The following UBP1 variants were observed in gnomAD, a reference collection of about 807,000 sequenced individuals.
UBP1 encodes upstream binding protein 1.
In UBP1, 22 loss-of-function variants were observed where a neutral mutation model predicts 76.1. That is an observed-to-expected ratio of 0.29 (90% CI 0.21 to 0.41). The LOEUF is 0.41. Among genes scored for constraint, UBP1 ranks in the 10% least tolerant of loss-of-function variants. The pLI, the probability that UBP1 is intolerant of heterozygous loss-of-function variation, is 1.00. For synonymous variants in UBP1, 224 were observed against 237.1 expected (o/e 0.94, Z 0.51); for missense variants, 436 against 668.1 (o/e 0.65, Z 3.83).
At chr3:33,401,605 C>T (rs2044231046) in intron 9 of UBP1, among the ~76,000 whole-genome samples, 1 of 152,212 alleles carries the variant, frequency 6.6e-6, no homozygotes, top group Non-Finnish European at 1.5e-5. Flanking sequence ...GGCTCTTGAG[C>T]ACCGACTCCT....
At position 33,440,021 on chromosome 3, in the gene UBP1, G is replaced by T. The variant is rs1168067254; in HGVS notation, c.-173C>A. ...TGCGGGGGCCCCACTGGCAGGGCAC[G>T]ACGAGCCCAGCGAGCAATTGCAGCG... On this transcript the variant is annotated 5_prime_UTR_variant, in exon 1 of 16. Transcript: ENST00000283629. The T allele has an allele frequency of 1.7e-6, 1 of 580,814 alleles. No homozygotes were observed. The highest frequency in any genetic ancestry group is 2.8e-6 in the Non-Finnish European group (1 of 354,446). 36.0% of individuals were successfully genotyped at this position (580,814 alleles called of 1,614,324 possible).
At chr3:33,401,063 A>G (rs1469100586) in intron 9 of UBP1, 47 bp from the exon 10 acceptor site, 15 of 1,524,272 alleles carry the variant, frequency 9.8e-6, no homozygotes, top group African/African-American at 1.4e-5. Flanking sequence ...TATAATACAT[A>G]TATGTTTTAA....
chr3:33,401,654 CTT>C, intron 9 of UBP1, among the ~76,000 whole-genome samples: 2 of 152,304 alleles, frequency 1.3e-5, no homozygotes, highest in Middle Eastern at 6.8e-3. Flanking sequence ...GGTTTATTAT[CTT>C]GATTATTTAT....
At chr3:33,409,685 A>G (rs546858647) in intron 5 of UBP1, 84 bp from the exon 6 acceptor site, 795 of 1,520,994 alleles carry the variant, frequency 5.2e-4, no homozygotes, top group Non-Finnish European at 6.6e-4. Flanking sequence ...GTGACCTGAC[A>G]CCACTATAAA....
rs200374681 is a variant in UBP1 at position 33,425,692 on chromosome 3, A to G, written c.163T>C (p.Leu55=). 26 of 1,600,554 alleles carry G rather than the reference A, an allele frequency of 1.6e-5. No individual in the cohort carries two copies. In the Middle Eastern group the frequency reaches 8.3e-4, roughly 51 times the overall value. The change falls in exon 2 of 16, where the codon TTG becomes CTG. Residue 55 remains leucine (L), a synonymous_variant. Coordinates refer to ENST00000283629, the MANE Select transcript of UBP1 (RefSeq NM_014517.5). ...GGTGGGTGCTCTGTTTCACCATCCA[A>G]TGGAAGGCTGGAATCTTCCTGCTTG... is the stretch of plus-strand genomic sequence containing the variant. ...IFKQEDSSLP[L]DGETEHPPFQ...
At chr3:33,434,685 T>A (rs998412887) in intron 1 of UBP1, among the ~76,000 whole-genome samples, 2 of 133,474 alleles carry the variant, frequency 1.5e-5, no homozygotes, top group South Asian at 5.1e-4. Context: ...GGTTTTACTT[T>A]TTTTTTTTTT....
intron 3 of UBP1, among the ~76,000 whole-genome samples, chr3:33,414,522 C>T (rs192490725): frequency 5.9e-5 from 9 of 152,274 alleles, no homozygotes; most frequent in East Asian, 1.9e-4. Context: ...AAAGCACCTT[C>T]GCAAACCTAT....
At chr3:33,422,558 G>A (rs907477283) in intron 2 of UBP1, among the ~76,000 whole-genome samples, 4 of 151,844 alleles carry the variant, frequency 2.6e-5, no homozygotes, top group Admixed American at 2.0e-4. Context: ...CCATCTCTAC[G>A]AAAATTTTTT....
At chr3:33,426,545 C>A (rs1489182486) in intron 1 of UBP1, among the ~76,000 whole-genome samples, 1 of 152,148 alleles carries the variant, frequency 6.6e-6, no homozygotes, top group Non-Finnish European at 1.5e-5. Flanking sequence ...AATATTTTCT[C>A]CCCTCAAAAA....
chr3:33,402,946 AAT>A, intron 8 of UBP1, 42 bp from the exon 9 acceptor site: 2 of 1,492,664 alleles, frequency 1.3e-6, no homozygotes, highest in South Asian at 2.4e-5. Context: ...ATGCTTTTAA[AAT>A]ATGTGGAAGA....
At chr3:33,418,846 C>G (rs1043336438) in intron 2 of UBP1, among the ~76,000 whole-genome samples, 2 of 111,954 alleles carry the variant, frequency 1.8e-5, no homozygotes, top group South Asian at 5.6e-4. Context: ...GCAACAAGAA[C>G]GAAACTCTGT....
intron 1 of UBP1, among the ~76,000 whole-genome samples, chr3:33,433,124 G>A (rs1362430990): frequency 6.6e-6 from 1 of 150,962 alleles, no homozygotes; most frequent in East Asian, 2.0e-4. Context: ...GCAGTGGCGC[G>A]ATCTCAGCTC....
intron 1 of UBP1, among the ~76,000 whole-genome samples, chr3:33,432,103 G>A (rs1262867238): frequency 6.6e-6 from 1 of 152,064 alleles, no homozygotes; most frequent in Admixed American, 6.6e-5. Context: ...CGAGACAGGC[G>A]GACTGCTTGA....
intron 13 of UBP1, 121 bp from the exon 14 acceptor site, chr3:33,393,575 A>G: frequency 1.1e-6 from 1 of 890,194 alleles, no homozygotes; most frequent in Non-Finnish European, 1.6e-6. Context: ...GTAAAAAAAC[A>G]TTTTAAATGG....
intron 2 of UBP1, among the ~76,000 whole-genome samples, chr3:33,418,856 T>C (rs1246060872): frequency 1.0e-5 from 1 of 97,564 alleles, no homozygotes; most frequent in Non-Finnish European, 1.8e-5. Context: ...CGAAACTCTG[T>C]CTCCAAAAAA....
At chr3:33,429,443 C>A (rs1320702395) in intron 1 of UBP1, among the ~76,000 whole-genome samples, 1 of 151,908 alleles carries the variant, frequency 6.6e-6, no homozygotes, top group Non-Finnish European at 1.5e-5. Flanking sequence ...CAACCTCCCA[C>A]CTCAACCTCC....
At chr3:33,428,648 T>A (rs2045061200) in intron 1 of UBP1, among the ~76,000 whole-genome samples, 1 of 152,136 alleles carries the variant, frequency 6.6e-6, no homozygotes, top group Admixed American at 6.5e-5. Context: ...TTATTTGCTA[T>A]TGAATTTCCA....
At chr3:33,430,034 G>A (rs1369846964) in intron 1 of UBP1, among the ~76,000 whole-genome samples, 1 of 152,224 alleles carries the variant, frequency 6.6e-6, no homozygotes, top group Non-Finnish European at 1.5e-5. Flanking sequence ...GAACTGTTTA[G>A]TAATGGCAGG....
chr3:33,431,475 C>T (rs2045111271), intron 1 of UBP1, among the ~76,000 whole-genome samples: 1 of 152,112 alleles, frequency 6.6e-6, no homozygotes, highest in Non-Finnish European at 1.5e-5. Context: ...CAGTGGCTCA[C>T]ACCTGTAATC....
Sources: allele counts gnomAD v4.1 joint callset (sites outside exome capture counted in the v4.1 genomes callset), GRCh38; gene constraint gnomAD v4.1.1; transcripts MANE v1.5; gene names NCBI Gene and HGNC (gene_info 2026-07-23, HGNC 2026-07-21).